The following ATXN2 variants were observed in gnomAD, a reference collection of about 807,000 sequenced individuals.
ATXN2 encodes the protein ataxin-2.
A neutral mutation model predicts 138.6 loss-of-function variants in ATXN2; 37 were observed. That is an observed-to-expected ratio of 0.27 (90% CI 0.21 to 0.35). The LOEUF (loss-of-function observed/expected upper bound fraction) is 0.35, where lower values mean the gene tolerates loss of function less well. Ranked by LOEUF, ATXN2 falls within the 10% of genes least tolerant of loss-of-function variation. The probability of loss-of-function intolerance (pLI) is 1.00; values close to 1 mark genes in which losing one functional copy is unlikely to be tolerated. For missense variants in ATXN2, 1,216 were observed against 1,480.3 expected (o/e 0.82, Z 2.93); for synonymous variants, 549 against 543.7 (o/e 1.01, Z -0.13).
Position 111,598,284 on chromosome 12 carries a change from G to A in ATXN2, c.251+500C>T, listed in dbSNP as rs1351523868. 3 of 1,004,708 alleles carry A rather than the reference G, an allele frequency of 3.0e-6. No homozygotes were observed. The highest frequency in any genetic ancestry group is 5.3e-5 in the Admixed American group (1 of 18,740). 62.2% of individuals were successfully genotyped at this position (1,004,708 alleles called of 1,614,324 possible). ...GAGCCCGGTGCCTACCCCTTTAACC[G>A]GCACGGGGGACGCGGCCCTAACTTC... On this transcript the variant is annotated intron_variant, in intron 1 of 24. Coordinates refer to ENST00000673436, the MANE Select transcript of ATXN2 (RefSeq NM_001372574.1). The surrounding 1 kb of genome is among the most constrained non-coding windows in gnomAD (Gnocchi z 4.5).
intron 5 of ATXN2, among the ~76,000 whole-genome samples, chr12:111,531,058 C>T (rs1259577790): frequency 1.3e-5 from 2 of 151,240 alleles, no homozygotes; most frequent in African/African-American, 2.4e-5. Context: ...GCAGAGGCTG[C>T]GGTGAGCCGA....
chr12:111,456,554 G>T (rs1875117975), intron 22 of ATXN2, among the ~76,000 whole-genome samples: 1 of 152,106 alleles, frequency 6.6e-6, no homozygotes, highest in Non-Finnish European at 1.5e-5. Context: ...ATCTTTAACT[G>T]CCTCCATTAG....
chr12:111,510,875 C>T, intron 11 of ATXN2: 1 of 196,256 alleles, frequency 5.1e-6, no homozygotes, highest in South Asian at 1.4e-4. Context: ...TAAAGGCACT[C>T]GCCACCACAA....
Position 111,590,490 on chromosome 12 carries a change from T to C in ATXN2, c.251+8294A>G, listed in dbSNP as rs184746139. On this transcript the variant is annotated intron_variant, in intron 1 of 24. Coordinates refer to ENST00000673436, the MANE Select transcript of ATXN2 (RefSeq NM_001372574.1). ...TCACAAGGTCAGGAGATCGACACCA[T>C]CCTGGCCAACATGGTGAAACCCCGT... 1.7e-4 allele frequency among the ~76,000 whole-genome samples: 26 copies of C among 150,746 alleles called. No individual in the cohort carries two copies. In the South Asian group the frequency reaches 1.9e-3, roughly 11 times the overall value.
intron 21 of ATXN2, among the ~76,000 whole-genome samples, chr12:111,459,321 T>G (rs777493854): frequency 1.3e-5 from 2 of 152,210 alleles, no homozygotes; most frequent in Non-Finnish European, 2.9e-5. Context: ...ATCATACTCA[T>G]TAAGTTTACT....
At chr12:111,493,275 C>G (rs1213404974) in intron 14 of ATXN2, among the ~76,000 whole-genome samples, 1 of 151,902 alleles carries the variant, frequency 6.6e-6, no homozygotes, top group Non-Finnish European at 1.5e-5. Flanking sequence ...CAAAAAGTAG[C>G]TGGGCGTGGT....
rs1876354615 is a variant in ATXN2, at chr12:111,470,734, T to C, written c.2533A>G (p.Met845Val). 3 of 1,613,910 alleles carry C rather than the reference T, an allele frequency of 1.9e-6. No individual in the cohort carries two copies. Among genetic ancestry groups the C allele is most frequent in the Admixed American group, 1.7e-5 (1 of 59,986 alleles). ...TGCTGGTCTTGCCGCTGTTGGGGCA[T>C]ATTTGGTACTGCAGAAAAAAAAGCA... Reference protein sequence around the residue: ...KTYRAGKVPNMPQQRQDQHHQ... With the variant: ...KTYRAGKVPNVPQQRQDQHHQ... The change falls in exon 19 of 25, where the codon ATG becomes GTG. Residue 845 changes from methionine (M) to valine (V), a missense_variant. By Grantham distance (21) the Met-to-Val change is conservative. Coordinates refer to ENST00000673436, the MANE Select transcript of ATXN2 (RefSeq NM_001372574.1).
At chr12:111,506,177 G>C (rs1416608268) in intron 14 of ATXN2, among the ~76,000 whole-genome samples, 3 of 152,140 alleles carry the variant, frequency 2.0e-5, no homozygotes, top group Non-Finnish European at 4.4e-5. Flanking sequence ...GTAGATTAAC[G>C]GTTGCTTAGG....
At chr12:111,563,748 G>C (rs890319599) in intron 1 of ATXN2, among the ~76,000 whole-genome samples, 2 of 152,110 alleles carry the variant, frequency 1.3e-5, no homozygotes, top group Non-Finnish European at 2.9e-5. Context: ...GACTATAAGT[G>C]ATGTGATTTG....
intron 1 of ATXN2, among the ~76,000 whole-genome samples, chr12:111,560,512 G>A (rs1337632319): frequency 1.3e-5 from 2 of 152,100 alleles, no homozygotes; most frequent in African/African-American, 4.8e-5. Flanking sequence ...CAGGAAAAGA[G>A]ACAAAGCCAT....
At chr12:111,462,261 AT>A (rs1203458227) in intron 21 of ATXN2, among the ~76,000 whole-genome samples, 1 of 152,228 alleles carries the variant, frequency 6.6e-6, no homozygotes, top group East Asian at 1.9e-4. Context: ...TGACATAAAT[AT>A]TTAAGATTCT....
intron 11 of ATXN2, 136 bp downstream of exon 11, chr12:111,513,221 T>C: frequency 1.0e-6 from 1 of 986,394 alleles, no homozygotes; most frequent in Non-Finnish European, 1.4e-6. Context: ...AAATATGGGT[T>C]TCCCAATTCC....
At chr12:111,534,330 G>A (rs1311529669) in intron 5 of ATXN2, among the ~76,000 whole-genome samples, 2 of 152,010 alleles carry the variant, frequency 1.3e-5, no homozygotes, top group African/African-American at 4.8e-5. Context: ...GAGCCTGGGA[G>A]GAGGAGGTTG....
intron 14 of ATXN2, among the ~76,000 whole-genome samples, chr12:111,501,513 C>A (rs531185931): frequency 2.0e-5 from 3 of 152,090 alleles, no homozygotes; most frequent in African/African-American, 7.2e-5. Context: ...TCAGTATAGG[C>A]AAACCAATTT....
chr12:111,479,391 A>T (rs1056619403), intron 18 of ATXN2, among the ~76,000 whole-genome samples: 56 of 58,206 alleles, frequency 9.6e-4, no homozygotes, highest in African/African-American at 5.0e-3. Context: ...CGTCTCTGCT[A>T]AAAAAAAAAA....
At chr12:111,485,419 G>A in intron 17 of ATXN2, 88 bp from the exon 18 acceptor site, 1 of 1,286,802 alleles carries the variant, frequency 7.8e-7, no homozygotes, top group Non-Finnish European at 1.1e-6. Context: ...TTGCTAGAGA[G>A]CTAGGCATGA....
chr12:111,527,425 T>C (rs762182617), intron 5 of ATXN2, among the ~76,000 whole-genome samples: 2 of 152,230 alleles, frequency 1.3e-5, no homozygotes, highest in Admixed American at 6.5e-5. Context: ...ATAACTGTCA[T>C]TGTCTCCCTA....
intron 15 of ATXN2, among the ~76,000 whole-genome samples, chr12:111,487,176 T>G (rs545776878): frequency 2.0e-5 from 3 of 152,180 alleles, no homozygotes; most frequent in African/African-American, 7.2e-5. Flanking sequence ...CCTCCCGAGT[T>G]TAAGCCATTC....
intron 1 of ATXN2, chr12:111,581,269 G>T: frequency 2.4e-6 from 1 of 417,108 alleles, no homozygotes; most frequent in Admixed American, 3.5e-5. Context: ...TAAATAGAAT[G>T]AGTACTAAAA....
Sources: allele counts gnomAD v4.1 joint callset (sites outside exome capture counted in the v4.1 genomes callset), GRCh38; gene constraint gnomAD v4.1.1; non-coding constraint Gnocchi (gnomAD v3.1); transcripts MANE v1.5; gene names NCBI Gene and HGNC (gene_info 2026-07-23, HGNC 2026-07-21).